RAMAC: variants seen among roughly 807,000 people sequenced by gnomAD.
RAMAC encodes RNA guanine-N7 methyltransferase activating subunit.
A neutral mutation model predicts 17.9 loss-of-function variants in RAMAC; 11 were observed. The observed-to-expected ratio is 0.61, with a 90% CI of 0.39 to 1.02. RAMAC has a LOEUF of 1.02. Among genes scored for constraint, RAMAC ranks in the 50% least tolerant of loss-of-function variants. RAMAC has a pLI of 0.01. For synonymous variants in RAMAC, 27 were observed against 48.4 expected (o/e 0.56, Z 1.84); for missense variants, 109 against 144.0 (o/e 0.76, Z 1.25).
chr15:82,989,862 T>C lies in RAMAC; in HGVS notation c.171-19T>C. On this transcript the variant is annotated intron_variant, in intron 3 of 3. Coordinates refer to ENST00000304191, the MANE Select transcript of RAMAC (RefSeq NM_031452.4). Reference sequence around the variant, plus strand: ...TTAACAAGGGAAGTTTAAAGATCTTTTTTGTTTTATTGTTGTAGGTTGCAA... The same window carrying C: ...TTAACAAGGGAAGTTTAAAGATCTTCTTTGTTTTATTGTTGTAGGTTGCAA... The C allele has an allele frequency of 6.2e-7, 1 of 1,608,832 alleles. No individual in the cohort carries two copies. Among genetic ancestry groups the C allele is most frequent in the East Asian group, 2.2e-5 (1 of 44,780 alleles).
chr15:82,988,905 A>G (rs991658279), intron 2 of RAMAC, 105 bp from the exon 3 acceptor site: 1 of 1,001,100 alleles, frequency 1.0e-6, no homozygotes, highest in Non-Finnish European at 1.5e-6. Flanking sequence ...AAAGACTTCC[A>G]TGAATACCCC....
rs994444825 is a variant in RAMAC, at chr15:82,990,488, A to G, written c.*421A>G. 3.3e-6 allele frequency: 2 copies of G among 615,052 alleles called. No homozygotes were observed. The highest frequency in any genetic ancestry group is 2.8e-5 in the East Asian group (1 of 35,712). The allele number at this position is 615,052 out of a possible 1,614,324, so 38.1% of individuals were successfully genotyped here. ...ATAATCAGCTCATGAATGCACAGCT[A>G]TGCTTTTTGTGATAGATTGTACATA... On this transcript the variant is annotated 3_prime_UTR_variant, in exon 4 of 4. Coordinates refer to ENST00000304191, the MANE Select transcript of RAMAC (RefSeq NM_031452.4).
chr15:82,989,969 T>G lies in RAMAC; in HGVS notation c.259T>G (p.Trp87Gly). The G allele has an allele frequency of 6.2e-7, 1 of 1,609,808 alleles. No homozygotes were observed. The highest frequency in any genetic ancestry group is 8.5e-7 in the Non-Finnish European group (1 of 1,177,654). ...ATCCAATCAGTGGCATGGACGATCC[T>G]GGGGTAACAACTACCCGCAACACAG... ...NRSNQWHGRS[W>G]GNNYPQHRQE... Residue 87 changes from tryptophan to glycine, a missense_variant, in exon 4 of 4, where the codon TGG (tryptophan) becomes GGG (glycine). Trp to Gly is a radical substitution (Grantham distance 184). Transcript: ENST00000304191.
intron 2 of RAMAC, chr15:82,988,746 A>AT (rs1339657806): frequency 2.1e-6 from 1 of 466,340 alleles, no homozygotes; most frequent in Non-Finnish European, 4.1e-6. Flanking sequence ...AGGTGGGAGG[A>AT]TTGTTTGAGC....
intron 2 of RAMAC, chr15:82,988,772 T>C: frequency 2.1e-6 from 1 of 483,500 alleles, no homozygotes; most frequent in South Asian, 1.8e-5. Context: ...AAGTCAAGGC[T>C]GCAGTGACCC....
At chr15:82,986,706 C>T (rs1420712457) in intron 1 of RAMAC, among the ~76,000 whole-genome samples, 1 of 152,152 alleles carries the variant, frequency 6.6e-6, no homozygotes, top group Non-Finnish European at 1.5e-5. Flanking sequence ...CGCCCGCAGC[C>T]AAAGTTCTTT....
chr15:82,988,835 C>CAA (rs111311452), intron 2 of RAMAC, 175 bp from the exon 3 acceptor site: 486 of 454,228 alleles, frequency 1.1e-3, no homozygotes, highest in Middle Eastern at 1.7e-3. Context: ...GACCCTGTCT[C>CAA]AAAAAAAAAA....
At chr15:82,986,942 T>G (rs1174844070) in intron 1 of RAMAC, among the ~76,000 whole-genome samples, 3 of 143,098 alleles carry the variant, frequency 2.1e-5, no homozygotes, top group South Asian at 2.1e-4. Flanking sequence ...TTGTTTTTTG[T>G]TTTTTTTTTG....
At chr15:82,988,030 C>T (rs894770369) in intron 2 of RAMAC, among the ~76,000 whole-genome samples, 26 of 120,714 alleles carry the variant, frequency 2.2e-4, no homozygotes, top group African/African-American at 3.0e-4. Context: ...AGTGAAACTC[C>T]GTCTCAAAAA....
intron 1 of RAMAC, among the ~76,000 whole-genome samples, chr15:82,987,063 A>G (rs747130301): frequency 6.6e-6 from 1 of 152,118 alleles, no homozygotes; most frequent in Non-Finnish European, 1.5e-5. Flanking sequence ...GACTACAGGC[A>G]CATGCCACCA....
rs368043133 is a variant in RAMAC at position 82,988,875 on chromosome 15, T to C, written c.-9-135T>C. The C allele has an allele frequency of 9.5e-5, 71 of 744,332 alleles. No individual in the cohort carries two copies. The East Asian group carries it at 1.2e-3, about 13-fold the overall frequency. 46.1% of individuals were successfully genotyped at this position (744,332 alleles called of 1,614,324 possible). A position where few individuals can be genotyped will look rare whatever the true frequency, so the allele number is the denominator to read the frequency against. ...AATGTTGAATTCAATATCTAAAATA[T>C]GACATGTCTGAAAGCACACAAAGAC... On this transcript the variant is annotated intron_variant, in intron 2 of 3. Transcript: ENST00000304191.
At chr15:82,988,451 G>C in intron 2 of RAMAC, 1 of 184,092 alleles carries the variant, frequency 5.4e-6, no homozygotes, top group South Asian at 8.2e-5. Context: ...CATATGTTTG[G>C]AGGAAAGGCA....
rs2030741647 is a variant in RAMAC, at chr15:82,988,967, T to C, written c.-9-43T>C. 1.4e-5 allele frequency: 22 copies of C among 1,527,040 alleles called. 1 individual carries two copies. In the South Asian group the frequency reaches 2.6e-4, roughly 18 times the overall value. 94.6% of individuals were successfully genotyped at this position (1,527,040 alleles called of 1,614,324 possible). On this transcript the variant is annotated intron_variant, in intron 2 of 3. Coordinates refer to ENST00000304191, the MANE Select transcript of RAMAC (RefSeq NM_031452.4). ...TTTCATTATTTGGAGAGAGTGTTAA[T>C]TTTTAAATTTTTTTTAATGGAAATG...
At chr15:82,989,791 G>C in intron 3 of RAMAC, 90 bp from the exon 4 acceptor site, 1 of 1,465,576 alleles carries the variant, frequency 6.8e-7, no homozygotes, top group Non-Finnish European at 9.2e-7. Context: ...TTGTGTATTA[G>C]AATGAGAAAC....
rs1462833344 is a variant in RAMAC at position 82,990,874 on chromosome 15, T to G, written c.*807T>G. The G allele has an allele frequency of 2.1e-6, 1 of 477,562 alleles. No homozygotes were observed. Among genetic ancestry groups the G allele is most frequent in the African/African-American group, 1.9e-5 (1 of 52,112 alleles). The allele number at this position is 477,562 out of a possible 1,614,324, so 29.6% of individuals were successfully genotyped here. A position where few individuals can be genotyped will look rare whatever the true frequency, so the allele number is the denominator to read the frequency against. Reference sequence around the variant, plus strand: ...GTTCTTACTTTTTTGGTATTTAATGTGGGCTGATTTTACAATGTTATATTC... The same window carrying G: ...GTTCTTACTTTTTTGGTATTTAATGGGGGCTGATTTTACAATGTTATATTC... On this transcript the variant is annotated 3_prime_UTR_variant, in exon 4 of 4. Coordinates refer to ENST00000304191, the MANE Select transcript of RAMAC (RefSeq NM_031452.4).
In RAMAC at chr15:82,989,125, C is replaced by G. The variant is rs560026998; in HGVS notation, c.107C>G (p.Ser36Cys). Residue 36 changes from serine (S) to cysteine (C), a missense_variant, in exon 3 of 4, where the codon TCT becomes TGT. Coordinates refer to ENST00000304191, the MANE Select transcript of RAMAC (RefSeq NM_031452.4). Reference protein sequence around the residue: ...YQEYLKRPPESPPIVEEWNSR... With the variant: ...YQEYLKRPPECPPIVEEWNSR... ...GAATACCTGAAACGCCCTCCTGAGTCTCCTCCAATTGTTGAGGAATGGAAT... is the reference window on the plus strand; with the variant it reads ...GAATACCTGAAACGCCCTCCTGAGTGTCCTCCAATTGTTGAGGAATGGAAT... 1.2e-6 allele frequency: 2 copies of G among 1,613,720 alleles called. No homozygotes were observed. The highest frequency in any genetic ancestry group is 1.1e-5 in the South Asian group (1 of 91,076).
intron 2 of RAMAC, among the ~76,000 whole-genome samples, chr15:82,988,198 C>T (rs1458537068): frequency 2.0e-5 from 3 of 151,930 alleles, no homozygotes; most frequent in African/African-American, 4.8e-5. Flanking sequence ...GGTGTGGTGG[C>T]GCGTGCCTGT....
intron 3 of RAMAC, 94 bp downstream of exon 3, chr15:82,989,282 GT>G: frequency 6.1e-6 from 8 of 1,319,586 alleles, no homozygotes; most frequent in Non-Finnish European, 8.3e-6. Flanking sequence ...AGGGACCAGT[GT>G]TTTTGGTATG....
rs988781387 is a variant in RAMAC at position 82,990,915 on chromosome 15, C to T, written c.*848C>T. 3 of 357,472 alleles carry T rather than the reference C, an allele frequency of 8.4e-6. No homozygotes were observed. The highest frequency in any genetic ancestry group is 1.5e-5 in the Non-Finnish European group (3 of 197,450). 22.1% of individuals were successfully genotyped at this position (357,472 alleles called of 1,614,324 possible). ...TGTTATATTCACTTCCAGATGCATA[C>T]CTCTGCTGCTTTCTCTCCTATAAAT... On this transcript the variant is annotated 3_prime_UTR_variant, in exon 4 of 4. Transcript: ENST00000304191.
Sources: gnomAD v4.1 joint callset for allele counts (sites outside exome capture counted in the v4.1 genomes callset) on GRCh38, gnomAD v4.1.1 for gene constraint, MANE v1.5 for transcripts, NCBI Gene and HGNC (gene_info 2026-07-23, HGNC 2026-07-21) for gene names.